Variants in ADAP2 observed in about 807,000 individuals in gnomAD.
The protein encoded by ADAP2 is arf-GAP with dual PH domain-containing protein 2.
Under a neutral mutation model 54.9 loss-of-function variants are expected in ADAP2, and 42 were observed. That is an observed-to-expected ratio of 0.77 (90% CI 0.60 to 0.99). ADAP2 has a LOEUF of 0.99. Ranked by LOEUF, ADAP2 falls within the 50% of genes least tolerant of loss-of-function variation. The pLI is 0.00. For synonymous variants in ADAP2, 177 were observed against 180.1 expected, an observed-to-expected ratio of 0.98 and a Z score of 0.14; for missense variants, 429 against 480.4, an observed-to-expected ratio of 0.89 and a Z score of 1.00.
Position 30,931,921 on chromosome 17 carries a change from A to G in ADAP2, c.350A>G (p.Tyr117Cys). Residue 117 changes from tyrosine (Y) to cysteine (C), a missense_variant, in exon 4 of 11, where the codon TAT becomes TGT. Transcript: ENST00000330889. ...AAGGAACAATGGATTCGAGCTAAGT[A>G]TGAGAGACGGGAATTTATGGCTGAT... ...VLKEQWIRAK[Y>C]ERREFMADGE... is the part of the protein sequence containing the mutation. 6.2e-7 allele frequency: 1 copy of G among 1,613,972 alleles called. No individual in the cohort carries two copies. The highest frequency in any genetic ancestry group is 8.5e-7 in the Non-Finnish European group (1 of 1,179,954).
At position 30,953,437 on chromosome 17, in the gene ADAP2, C is replaced by T. The variant is rs902966585; in HGVS notation, c.804+87C>T. 6 of 1,416,324 alleles carry T rather than the reference C, an allele frequency of 4.2e-6. No homozygotes were observed. In the African/African-American group the frequency reaches 8.5e-5, roughly 20 times the overall value. 87.7% of individuals were successfully genotyped at this position (1,416,324 alleles called of 1,614,324 possible). On this transcript the variant is annotated intron_variant, in intron 8 of 10. Coordinates refer to ENST00000330889, the MANE Select transcript of ADAP2 (RefSeq NM_018404.3). The stretch of plus-strand genomic sequence containing the variant: ...GTTTATGGGATGATTGTTAAGAGGA[C>T]AGTGAAAGGTGTTAGGCCAAGCTTG...
At chr17:30,935,186 G>C (rs1050702155) in intron 5 of ADAP2, among the ~76,000 whole-genome samples, 1 of 152,098 alleles carries the variant, frequency 6.6e-6, no homozygotes, top group Admixed American at 6.6e-5. Context: ...GACCAACATG[G>C]AGAAACCCCA....
At position 30,951,659 on chromosome 17, in the gene ADAP2, T is replaced by C. The variant is rs866409118; in HGVS notation, c.742-1629T>C. 3.3e-3 allele frequency among the ~76,000 whole-genome samples: 458 copies of C among 139,858 alleles called. 1 individual carries two copies. The highest frequency in any genetic ancestry group is 5.2e-3 in the Non-Finnish European group (341 of 65,150). The allele number at this position is 139,858 out of a possible 152,430, so 91.8% of individuals were successfully genotyped here. A position where few individuals can be genotyped will look rare whatever the true frequency, so the allele number is the denominator to read the frequency against. On this transcript the variant is annotated intron_variant, in intron 7 of 10. Transcript: ENST00000330889. Reference sequence around the variant, plus strand: ...CCAATATTTTCTTTTCTTTTCTTTTTTTTTTTTTTTTTTTGAGACAGAGTC... The same window carrying C: ...CCAATATTTTCTTTTCTTTTCTTTTCTTTTTTTTTTTTTTGAGACAGAGTC...
At chr17:30,930,853 C>T (rs1911422058) in intron 3 of ADAP2, among the ~76,000 whole-genome samples, 2 of 152,204 alleles carry the variant, frequency 1.3e-5, no homozygotes, top group African/African-American at 4.8e-5. Context: ...GGATGACAAT[C>T]TCTGATTGAG....
At chr17:30,942,344 G>C (rs775825121) in intron 5 of ADAP2, among the ~76,000 whole-genome samples, 1 of 152,182 alleles carries the variant, frequency 6.6e-6, no homozygotes, top group Non-Finnish European at 1.5e-5. Flanking sequence ...AAGTGTTGGT[G>C]AGTATATGGG....
At position 30,921,965 on chromosome 17, in the gene ADAP2, C is replaced by A. The variant is rs1211996198; in HGVS notation, c.-50C>A. ...GCCGGGTCCCTCTCCACCTGCCGGG[C>A]GGAGCGCACGGGCCATGGGCTGAGC... On this transcript the variant is annotated 5_prime_UTR_variant, in exon 1 of 11. Transcript: ENST00000330889. 7 of 1,188,524 alleles carry A rather than the reference C, an allele frequency of 5.9e-6. No individual in the cohort carries two copies. The highest frequency in any genetic ancestry group is 1.6e-5 in the African/African-American group (1 of 63,092). The allele number at this position is 1,188,524 out of a possible 1,614,324, so 73.6% of individuals were successfully genotyped here. A position where few individuals can be genotyped will look rare whatever the true frequency, so the allele number is the denominator to read the frequency against.
chr17:30,954,695 C>T, intron 9 of ADAP2, 140 bp downstream of exon 9: 1 of 671,618 alleles, frequency 1.5e-6, no homozygotes. Flanking sequence ...AAAACCTCTA[C>T]CCCTTGTTTT....
In ADAP2 at chr17:30,921,982, G is replaced by A. The variant is rs1465796418; in HGVS notation, c.-33G>A. ...CTGCCGGGCGGAGCGCACGGGCCAT[G>A]GGCTGAGCCCCGCTGAGCCCGCCGG... On this transcript the variant is annotated 5_prime_UTR_variant, in exon 1 of 11. It removes an upstream start codon present in the reference 5' UTR. Coordinates refer to ENST00000330889, the MANE Select transcript of ADAP2 (RefSeq NM_018404.3). 8.0e-7 allele frequency: 1 copy of A among 1,250,790 alleles called. No homozygotes were observed. Among genetic ancestry groups the A allele is most frequent in the Non-Finnish European group, 1.0e-6 (1 of 998,764 alleles). 77.5% of individuals were successfully genotyped at this position (1,250,790 alleles called of 1,614,324 possible).
intron 6 of ADAP2, among the ~76,000 whole-genome samples, chr17:30,947,038 T>A (rs1341472244): frequency 6.6e-6 from 1 of 152,160 alleles, no homozygotes; most frequent in Non-Finnish European, 1.5e-5. Flanking sequence ...ACAACCTGGG[T>A]CTGGCCATTC....
intron 3 of ADAP2, among the ~76,000 whole-genome samples, chr17:30,930,125 G>A (rs1911367310): frequency 6.6e-6 from 1 of 151,604 alleles, no homozygotes; most frequent in Non-Finnish European, 1.5e-5. Flanking sequence ...AGGCTGGAGT[G>A]CAGTGGCACA....
At chr17:30,938,436 G>A (rs893639261) in intron 5 of ADAP2, among the ~76,000 whole-genome samples, 16 of 152,202 alleles carry the variant, frequency 1.1e-4, no homozygotes, top group African/African-American at 3.9e-4. Flanking sequence ...AGCAAGTCAT[G>A]CAACAAGCCC....
At position 30,934,315 on chromosome 17, in the gene ADAP2, T is replaced by A. The variant is rs780452035; in HGVS notation, c.510+18T>A. The A allele has an allele frequency of 1.0e-5, 16 of 1,562,588 alleles. No individual in the cohort carries two copies. The East Asian group carries it at 3.1e-4, about 31-fold the overall frequency. On this transcript the variant is annotated intron_variant, in intron 5 of 10. Coordinates refer to ENST00000330889, the MANE Select transcript of ADAP2 (RefSeq NM_018404.3). ...AGGAACAGGTAAGATGCCAGACCAATGAGAGCAGGTCCCTTCCTGAGCACT... is the reference window on the plus strand; with the variant it reads ...AGGAACAGGTAAGATGCCAGACCAAAGAGAGCAGGTCCCTTCCTGAGCACT...
intron 3 of ADAP2, among the ~76,000 whole-genome samples, chr17:30,929,054 TTAAGAGCTAG>T (rs1911292705): frequency 6.6e-6 from 1 of 152,210 alleles, no homozygotes; most frequent in Non-Finnish European, 1.5e-5. Context: ...GCTTAGACAA[TTAAGAGCTAG>T]TAATGTACTC....
chr17:30,949,897 C>T (rs755172616), intron 7 of ADAP2, among the ~76,000 whole-genome samples: 12 of 152,186 alleles, frequency 7.9e-5, no homozygotes, highest in Non-Finnish European at 1.2e-4. Context: ...TACGACAAGG[C>T]GGCCTCCCAA....
chr17:30,931,096 C>G (rs1734217689), intron 3 of ADAP2, among the ~76,000 whole-genome samples: 1 of 152,140 alleles, frequency 6.6e-6, no homozygotes, highest in Non-Finnish European at 1.5e-5. Flanking sequence ...CCTGCCCAGA[C>G]TTCATGGGCA....
chr17:30,924,875 GTT>G (rs369584931), intron 2 of ADAP2, among the ~76,000 whole-genome samples: 1 of 137,994 alleles, frequency 7.2e-6, no homozygotes, highest in Non-Finnish European at 1.6e-5. Context: ...TGTTTTTTTT[GTT>G]TTTTTTTTTT....
intron 5 of ADAP2, among the ~76,000 whole-genome samples, chr17:30,944,452 CAT>C (rs1912502219): frequency 6.6e-6 from 1 of 152,052 alleles, no homozygotes; most frequent in African/African-American, 2.4e-5. Context: ...GCCTGGCCAA[CAT>C]AGCGAAACTC....
At position 30,923,083 on chromosome 17, in the gene ADAP2, G is replaced by C. The variant is rs2232271; in HGVS notation, c.225+13G>C. 9,522 of 1,612,968 alleles carry C rather than the reference G, an allele frequency of 5.9e-3. 368 individuals are homozygous for C. In the African/African-American group the frequency reaches 0.095, roughly 16 times the overall value. The stretch of plus-strand genomic sequence containing the variant: ...CAGTATTGTGGAGGTAGAAAGGCAT[G>C]CCCGTGGAGAGCCATGGAACTGCGG... On this transcript the variant is annotated intron_variant, in intron 2 of 10. Coordinates refer to ENST00000330889, the MANE Select transcript of ADAP2 (RefSeq NM_018404.3).
intron 5 of ADAP2, among the ~76,000 whole-genome samples, chr17:30,942,127 A>G (rs1912314311): frequency 6.6e-6 from 1 of 152,110 alleles, no homozygotes; most frequent in African/African-American, 2.4e-5. Flanking sequence ...GATGGTCTCG[A>G]TCTCTCAACC....
Sources: allele counts gnomAD v4.1 joint callset (sites outside exome capture counted in the v4.1 genomes callset), GRCh38; gene constraint gnomAD v4.1.1; transcripts MANE v1.5; gene names NCBI Gene and HGNC (gene_info 2026-07-23, HGNC 2026-07-21).